KCNN3: variants seen among roughly 807,000 people sequenced by gnomAD.
KCNN3 encodes the protein potassium calcium-activated channel subfamily N member 3, also known as small conductance calcium-activated potassium channel protein 3.
Under a neutral mutation model 62.9 loss-of-function variants are expected in KCNN3, and 16 were observed. The ratio of observed to expected loss-of-function variants is 0.25; its 90% CI spans 0.17 to 0.39. The LOEUF (loss-of-function observed/expected upper bound fraction) is 0.39. Ranked by LOEUF, KCNN3 falls within the 10% of genes least tolerant of loss-of-function variation. The pLI, the probability that KCNN3 is intolerant of heterozygous loss-of-function variation, is 1.00. For missense variants in KCNN3, 599 were observed against 949.4 expected (o/e 0.63, Z 4.85); for synonymous variants, 370 against 389.2 (o/e 0.95, Z 0.58).
chr1:154,719,236 A>G (rs1043968975), intron 5 of KCNN3, among the ~76,000 whole-genome samples: 1 of 152,000 alleles, frequency 6.6e-6, no homozygotes, highest in Non-Finnish European at 1.5e-5. Flanking sequence ...GCTGCCAGGA[A>G]CCCTTGCCAG....
intron 2 of KCNN3, among the ~76,000 whole-genome samples, chr1:154,820,172 C>T (rs1004143338): frequency 6.6e-6 from 1 of 152,230 alleles, no homozygotes; most frequent in Non-Finnish European, 1.5e-5. Flanking sequence ...CAACATGACC[C>T]TGCCACCAGG....
intron 1 of KCNN3, among the ~76,000 whole-genome samples, chr1:154,841,025 G>C (rs1338892025): frequency 6.6e-6 from 1 of 152,158 alleles, no homozygotes; most frequent in Non-Finnish European, 1.5e-5. Flanking sequence ...CTGCCCCTGC[G>C]GGGTCAGGCC....
At chr1:154,791,065 C>T in intron 2 of KCNN3, among the ~76,000 whole-genome samples, 1 of 151,930 alleles carries the variant, frequency 6.6e-6, no homozygotes, top group South Asian at 2.1e-4. Flanking sequence ...CCCATCTCTA[C>T]TAAAAATACA....
chr1:154,846,232 C>A (rs1652050355), intron 1 of KCNN3, among the ~76,000 whole-genome samples: 1 of 152,242 alleles, frequency 6.6e-6, no homozygotes, highest in Non-Finnish European at 1.5e-5. Context: ...TACCTCCACT[C>A]TCTTGCCTTA....
intron 1 of KCNN3, among the ~76,000 whole-genome samples, chr1:154,837,777 A>T (rs1651653124): frequency 6.6e-6 from 1 of 152,190 alleles, no homozygotes; most frequent in African/African-American, 2.4e-5. Context: ...CATCTCACAG[A>T]TGTCACGGGC....
chr1:154,814,532 G>T (rs1445771199), intron 2 of KCNN3, among the ~76,000 whole-genome samples: 1 of 152,206 alleles, frequency 6.6e-6, no homozygotes, highest in Non-Finnish European at 1.5e-5. Context: ...GGGGGACGAT[G>T]GCCAGAGAGA....
chr1:154,737,651 C>T (rs1021021602), intron 3 of KCNN3, among the ~76,000 whole-genome samples: 1 of 151,878 alleles, frequency 6.6e-6, no homozygotes, highest in African/African-American at 2.4e-5. Flanking sequence ...AGATACTGGA[C>T]CCACGAGACA....
At chr1:154,784,389 G>C (rs374000843) in intron 2 of KCNN3, among the ~76,000 whole-genome samples, 1 of 152,094 alleles carries the variant, frequency 6.6e-6, no homozygotes, top group Non-Finnish European at 1.5e-5. Context: ...TGCCACACCC[G>C]GTGTCTCATC....
chr1:154,755,537 G>GAAAGAAAGAAAGAA (rs1192451518), intron 3 of KCNN3, among the ~76,000 whole-genome samples: 1 of 107,044 alleles, frequency 9.3e-6, no homozygotes, highest in Non-Finnish European at 1.9e-5. Context: ...GAAGAAGAAA[G>GAAAGAAAGAAAGAA]GAAAGGAAGG....
Position 154,725,965 on chromosome 1 carries a change from G to T in KCNN3, c.1652C>A (p.Ala551Glu). The T allele has an allele frequency of 6.2e-7, 1 of 1,614,144 alleles. No homozygotes were observed. Among genetic ancestry groups the T allele is most frequent in the Non-Finnish European group, 8.5e-7 (1 of 1,179,988 alleles). Residue 551 changes from alanine to glutamate, a missense_variant, in exon 5 of 8, where the codon GCG becomes GAG. Physicochemically the swap from Ala to Glu is moderately radical, Grantham distance 107. Coordinates refer to ENST00000271915, the MANE Select transcript of KCNN3 (RefSeq NM_002249.6). ...CATGAAGTTATGAACGTGCTTCTCC[G>T]CTTTGGTGAGTTCCAGCTTTCGGGC... ...VVARKLELTK[A>E]EKHVHNFMMD...
intron 3 of KCNN3, among the ~76,000 whole-genome samples, chr1:154,741,760 G>A (rs1013621500): frequency 2.6e-5 from 4 of 151,078 alleles, no homozygotes; most frequent in Non-Finnish European, 5.9e-5. Context: ...ATGATATGAC[G>A]GCTCTAGCCA....
rs1406665413 is a variant in KCNN3 at position 154,698,006 on chromosome 1, A to G, written c.*9970T>C. 1 of 152,218 alleles carries G rather than the reference A, an allele frequency of 6.6e-6. No homozygotes were observed. The highest frequency in any genetic ancestry group is 1.5e-5 in the Non-Finnish European group (1 of 68,040). 9.4% of individuals were successfully genotyped at this position (152,218 alleles called of 1,614,324 possible). On this transcript the variant is annotated 3_prime_UTR_variant, in exon 8 of 8. Coordinates refer to ENST00000271915, the MANE Select transcript of KCNN3 (RefSeq NM_002249.6). ...GTATTACTGTGTATAAGTATAAAGT[A>G]CTATTATTTAGTAATCACTGAGTTG... is the stretch of plus-strand genomic sequence containing the variant.
chr1:154,711,751 A>G (rs949895046), intron 7 of KCNN3, among the ~76,000 whole-genome samples: 4 of 152,110 alleles, frequency 2.6e-5, no homozygotes, highest in East Asian at 1.9e-4. Flanking sequence ...TTGGCCAATC[A>G]TTTCTTCTAT....
intron 2 of KCNN3, among the ~76,000 whole-genome samples, chr1:154,817,684 G>C (rs114922990): frequency 5.3e-4 from 80 of 152,298 alleles, no homozygotes; most frequent in South Asian, 3.5e-3. Flanking sequence ...GATTCTGCCT[G>C]CTAGCCTGCC....
chr1:154,704,355 T>C lies in KCNN3; in HGVS notation c.*3621A>G, dbSNP rs573557217. The C allele has an allele frequency of 2.9e-4, 44 of 152,362 alleles. No individual in the cohort carries two copies. Among genetic ancestry groups the C allele is most frequent in the African/African-American group, 1.1e-3 (44 of 41,594 alleles). The allele number at this position is 152,362 out of a possible 1,614,324, so 9.4% of individuals were successfully genotyped here. Reference sequence around the variant, plus strand: ...TGGCAAGAGCAGTTCATAGACACTTTATGACAATTTATTGATGATGATCAT... The same window carrying C: ...TGGCAAGAGCAGTTCATAGACACTTCATGACAATTTATTGATGATGATCAT... On this transcript the variant is annotated 3_prime_UTR_variant, in exon 8 of 8. Coordinates refer to ENST00000271915, the MANE Select transcript of KCNN3 (RefSeq NM_002249.6).
chr1:154,772,386 A>G lies in KCNN3; in HGVS notation c.1037T>C (p.Val346Ala). The change falls in exon 3 of 8, where the codon GTG (valine) becomes GCG (alanine). Residue 346 changes from valine (V) to alanine (A), a missense_variant. Physicochemically the swap from Val to Ala is moderately conservative, Grantham distance 64. This residue lies in a region of KCNN3 where 288 missense variants were observed against 557.4 expected (regional missense o/e 0.52). Coordinates refer to ENST00000271915, the MANE Select transcript of KCNN3 (RefSeq NM_002249.6). This position sits in a 1 kb window ranked among gnomAD's most constrained non-coding sequence, Gnocchi z 5.6. ...AYHTREVQLF[V>A]IDNGADDWRI... ...CCAGTCATCCGCGCCATTGTCGATC[A>G]CGAAGAGCTGGTGGGAGCAGAAAGT... The G allele has an allele frequency of 1.9e-6, 3 of 1,614,120 alleles. No homozygotes were observed. The highest frequency in any genetic ancestry group is 2.5e-6 in the Non-Finnish European group (3 of 1,180,012).
intron 2 of KCNN3, among the ~76,000 whole-genome samples, chr1:154,780,089 C>T (rs1247314121): frequency 6.6e-6 from 1 of 152,166 alleles, no homozygotes; most frequent in African/African-American, 2.4e-5. Context: ...TACCCAGTGC[C>T]TCCAGCAGCC....
intron 2 of KCNN3, among the ~76,000 whole-genome samples, chr1:154,794,701 C>T (rs1649654868): frequency 6.6e-6 from 1 of 152,140 alleles, no homozygotes; most frequent in Non-Finnish European, 1.5e-5. Context: ...GTGGAGGGCT[C>T]ATTCACAGAG....
intron 3 of KCNN3, among the ~76,000 whole-genome samples, chr1:154,736,084 G>A (rs1464358718): frequency 5.3e-5 from 8 of 152,116 alleles, no homozygotes. Flanking sequence ...AGTGATCTTG[G>A]GCTGGGCTGG....
Sources: allele counts gnomAD v4.1 joint callset (sites outside exome capture counted in the v4.1 genomes callset), GRCh38; gene constraint gnomAD v4.1.1; regional missense constraint gnomAD v4.1.1; non-coding constraint Gnocchi (gnomAD v3.1); transcripts MANE v1.5; gene names NCBI Gene and HGNC (gene_info 2026-07-23, HGNC 2026-07-21).